Variants in FTO observed in about 807,000 individuals in gnomAD.
FTO encodes the protein alpha-ketoglutarate-dependent dioxygenase FTO.
FTO carries 47 observed loss-of-function variants against 63.9 expected under a neutral mutation model. That is an observed-to-expected ratio of 0.74 (90% confidence interval 0.58 to 0.94). FTO has a LOEUF of 0.94. Among genes scored for constraint, FTO ranks in the 40% least tolerant of loss-of-function variants. The probability of loss-of-function intolerance (pLI) is 0.00; values close to 1 mark genes in which losing one functional copy is unlikely to be tolerated. For synonymous variants in FTO, 207 were observed against 224.4 expected, an observed-to-expected ratio of 0.92 and a Z score of 0.69; for missense variants, 562 against 618.1, an observed-to-expected ratio of 0.91 and a Z score of 0.96.
intron 8 of FTO, among the ~76,000 whole-genome samples, chr16:54,016,841 C>T (rs899825897): frequency 7.9e-5 from 12 of 152,102 alleles, no homozygotes; most frequent in South Asian, 2.1e-4. Flanking sequence ...CTTTTGTACA[C>T]GCCAGAGCAA....
At chr16:53,979,651 A>G (rs1170189650) in intron 8 of FTO, among the ~76,000 whole-genome samples, 2 of 151,758 alleles carry the variant, frequency 1.3e-5, no homozygotes, top group South Asian at 2.1e-4. Context: ...TGCAGTGCCT[A>G]TGAGCTCATT....
At chr16:53,818,117 A>T (rs1032739987) in intron 2 of FTO, among the ~76,000 whole-genome samples, 1 of 152,064 alleles carries the variant, frequency 6.6e-6, no homozygotes, top group Non-Finnish European at 1.5e-5. Flanking sequence ...TGTTTGACAG[A>T]ATGAATTAAT....
At chr16:53,786,405 A>G (rs763967273) in intron 1 of FTO, among the ~76,000 whole-genome samples, 6 of 152,228 alleles carry the variant, frequency 3.9e-5, no homozygotes, top group Non-Finnish European at 8.8e-5. Flanking sequence ...AAATGGCAAC[A>G]CACACTCTGT....
intron 8 of FTO, among the ~76,000 whole-genome samples, chr16:54,107,988 C>T (rs1177007528): frequency 6.6e-6 from 1 of 152,148 alleles, no homozygotes; most frequent in Non-Finnish European, 1.5e-5. Flanking sequence ...GCGTGATGTA[C>T]TGACGTAGCT....
At chr16:53,901,165 C>G (rs75655335) in intron 7 of FTO, among the ~76,000 whole-genome samples, 349 of 152,306 alleles carry the variant, frequency 2.3e-3, no homozygotes, top group African/African-American at 8.1e-3. Flanking sequence ...ACAAGCAACA[C>G]CATACATTTT....
At chr16:53,796,996 G>A (rs1225529687) in intron 1 of FTO, among the ~76,000 whole-genome samples, 1 of 152,134 alleles carries the variant, frequency 6.6e-6, no homozygotes, top group African/African-American at 2.4e-5. Context: ...CTATTGACTA[G>A]TTGGCATTTT....
intron 1 of FTO, among the ~76,000 whole-genome samples, chr16:53,752,460 C>G (rs912730764): frequency 6.6e-6 from 1 of 152,082 alleles, no homozygotes; most frequent in East Asian, 1.9e-4. Context: ...CATCCAGTCA[C>G]GTAAGTAGGG....
At chr16:53,910,969 T>C (rs1443642674) in intron 7 of FTO, among the ~76,000 whole-genome samples, 1 of 152,264 alleles carries the variant, frequency 6.6e-6, no homozygotes, top group Non-Finnish European at 1.5e-5. Context: ...TACCATTTAC[T>C]GAGCTACACC....
intron 8 of FTO, among the ~76,000 whole-genome samples, chr16:54,084,604 GTGAGT>G (rs574488007): frequency 1.8e-3 from 278 of 152,288 alleles, no homozygotes; most frequent in Middle Eastern, 3.4e-3. Flanking sequence ...ATTAAATTCA[GTGAGT>G]TGAGAGTGGC....
intron 7 of FTO, among the ~76,000 whole-genome samples, chr16:53,920,086 T>C (rs8053966): frequency 0.26 from 39,279 of 152,152 alleles, 6,734 homozygotes; most frequent in African/African-American, 0.49. Context: ...TCTGACTGGC[T>C]GGTACTTTAG....
At chr16:53,789,980 A>G (rs1301261521) in intron 1 of FTO, among the ~76,000 whole-genome samples, 3 of 149,362 alleles carry the variant, frequency 2.0e-5, no homozygotes, top group East Asian at 1.9e-4. Context: ...TTTTGTACAT[A>G]TACAAATATA....
intron 8 of FTO, among the ~76,000 whole-genome samples, chr16:53,975,114 C>T (rs544890688): frequency 6.6e-6 from 1 of 151,794 alleles, no homozygotes; most frequent in Admixed American, 6.6e-5. Context: ...ACATTGAAAA[C>T]TTGGTAATAT....
intron 8 of FTO, among the ~76,000 whole-genome samples, chr16:54,111,108 G>A (rs563603638): frequency 6.6e-6 from 1 of 152,136 alleles, no homozygotes; most frequent in Non-Finnish European, 1.5e-5. Flanking sequence ...TGATTTAAGT[G>A]TTTTCCTTAG....
At chr16:53,918,406 C>T (rs189526630) in intron 7 of FTO, among the ~76,000 whole-genome samples, 11 of 152,042 alleles carry the variant, frequency 7.2e-5, no homozygotes, top group African/African-American at 2.4e-4. Flanking sequence ...CTAGAGATAT[C>T]GAAACATAGA....
intron 2 of FTO, among the ~76,000 whole-genome samples, chr16:53,813,712 G>C (rs930618044): frequency 2.0e-5 from 3 of 152,184 alleles, no homozygotes; most frequent in African/African-American, 7.2e-5. Context: ...AGTCTGTTCA[G>C]CTTCCATTTT....
At chr16:53,906,599 T>A (rs2081546200) in intron 7 of FTO, among the ~76,000 whole-genome samples, 5 of 152,278 alleles carry the variant, frequency 3.3e-5, no homozygotes, top group Admixed American at 2.0e-4. Context: ...TTTAGGTGGA[T>A]CCGATTTCAA....
intron 7 of FTO, among the ~76,000 whole-genome samples, chr16:53,920,003 G>C (rs566562769): frequency 6.6e-6 from 1 of 152,028 alleles, no homozygotes; most frequent in Non-Finnish European, 1.5e-5. Context: ...ATTTTAAAAA[G>C]ACTAAATGGG....
intron 1 of FTO, among the ~76,000 whole-genome samples, chr16:53,757,870 A>G (rs1238289265): frequency 1.3e-5 from 2 of 152,164 alleles, no homozygotes; most frequent in Non-Finnish European, 2.9e-5. Context: ...GGGTGCTTAG[A>G]TGTTGAGTGC....
chr16:53,713,218 A>G (rs2075817447), intron 1 of FTO, among the ~76,000 whole-genome samples: 1 of 152,204 alleles, frequency 6.6e-6, no homozygotes, highest in African/African-American at 2.4e-5. Context: ...CTTCTGTTCA[A>G]CACATACTTT....
Sources: allele counts gnomAD v4.1 joint callset (sites outside exome capture counted in the v4.1 genomes callset), GRCh38; gene constraint gnomAD v4.1.1; transcripts MANE v1.5; gene names NCBI Gene and HGNC (gene_info 2026-07-23, HGNC 2026-07-21).